Variants in IMMT observed in about 807,000 individuals in gnomAD.
IMMT encodes inner membrane mitochondrial protein, also known as MICOS complex subunit MIC60.
A neutral mutation model predicts 92.7 loss-of-function variants in IMMT; 40 were observed. That is an observed-to-expected ratio of 0.43 (90% CI 0.34 to 0.56). IMMT has a LOEUF of 0.56. Among genes scored for constraint, IMMT ranks in the 20% least tolerant of loss-of-function variants. The pLI is 0.03. For synonymous variants in IMMT, 322 were observed against 336.1 expected, an observed-to-expected ratio of 0.96 and a Z score of 0.46; for missense variants, 831 against 912.1, an observed-to-expected ratio of 0.91 and a Z score of 1.14.
intron 9 of IMMT, 98 bp from the exon 10 acceptor site, chr2:86,158,819 T>A: frequency 9.6e-7 from 1 of 1,036,382 alleles, no homozygotes; most frequent in Non-Finnish European, 1.4e-6. Context: ...TTACATTTTG[T>A]TGGAAATGTG....
At chr2:86,145,494 C>CAAAAAAAA (rs10554362) in intron 14 of IMMT, among the ~76,000 whole-genome samples, 4 of 76,304 alleles carry the variant, frequency 5.2e-5, no homozygotes, top group Non-Finnish European at 7.2e-5. Context: ...GACTCTGTCT[C>CAAAAAAAA]AAAAAAAAAA....
intron 3 of IMMT, among the ~76,000 whole-genome samples, chr2:86,178,645 T>C (rs1677614661): frequency 6.6e-6 from 1 of 151,394 alleles, no homozygotes; most frequent in Non-Finnish European, 1.5e-5. Context: ...AAAAGAAAAC[T>C]AACATACATA....
chr2:86,171,552 C>G (rs944094708), intron 4 of IMMT: 1 of 524,352 alleles, frequency 1.9e-6, no homozygotes, highest in East Asian at 3.2e-5. Context: ...TGGTTGGGAA[C>G]GAACAAAAGA....
chr2:86,159,092 ATT>A (rs764807615), intron 9 of IMMT, among the ~76,000 whole-genome samples: 1 of 145,964 alleles, frequency 6.9e-6, no homozygotes, highest in Non-Finnish European at 1.5e-5. Flanking sequence ...AAAAAAAAAA[ATT>A]TTTTTTTTTT....
chr2:86,147,113 A>AAT (rs1183397540), intron 13 of IMMT, among the ~76,000 whole-genome samples: 22 of 152,352 alleles, frequency 1.4e-4, no homozygotes, highest in Non-Finnish European at 2.9e-4. Flanking sequence ...CCTAAACATA[A>AAT]TAATTAGATT....
At position 86,191,178 on chromosome 2, in the gene IMMT, G is replaced by GA. The variant is rs571534914; in HGVS notation, c.45+4159dup. 2.0e-3 allele frequency among the ~76,000 whole-genome samples: 299 copies of GA among 149,474 alleles called. 2 individuals are homozygous for GA. The highest frequency in any genetic ancestry group is 6.7e-3 in the African/African-American group (273 of 40,838). ...CTGGGTAATATAGCCTGTCTCTACA[G>GA]AAAAAAAAATACAAAAGTTAGCTGG... On this transcript the variant is annotated intron_variant, in intron 1 of 14. Transcript: ENST00000410111.
At chr2:86,171,888 GACCA>G (rs1677115078) in intron 4 of IMMT, among the ~76,000 whole-genome samples, 1 of 149,714 alleles carries the variant, frequency 6.7e-6, no homozygotes, top group African/African-American at 2.5e-5. Flanking sequence ...GGGAGGCCAA[GACCA>G]ACCTGGCCAA....
chr2:86,169,124 T>C (rs1676920503), intron 6 of IMMT, among the ~76,000 whole-genome samples: 1 of 152,238 alleles, frequency 6.6e-6, no homozygotes, highest in African/African-American at 2.4e-5. Flanking sequence ...GATAAAATTC[T>C]GAAAATTTTC....
intron 7 of IMMT, among the ~76,000 whole-genome samples, chr2:86,162,752 G>A (rs1360492254): frequency 6.6e-6 from 1 of 152,140 alleles, no homozygotes; most frequent in Non-Finnish European, 1.5e-5. Context: ...GCTGAAGCAG[G>A]AGAATTGCTT....
chr2:86,154,318 G>C (rs113211702), intron 10 of IMMT, among the ~76,000 whole-genome samples: 1 of 151,452 alleles, frequency 6.6e-6, no homozygotes, highest in Non-Finnish European at 1.5e-5. Flanking sequence ...GACTACATGC[G>C]CCTCCCACCA....
rs932895081 is a variant in IMMT at position 86,144,583 on chromosome 2, G to T, written c.1962C>A (p.Ser654Arg). ...RVAMIDETRN[S>R]LYQYFLSYLQ... Reference sequence around the variant, plus strand: ...GGTAGGAGAGGAAGTACTGGTACAAGCTATTTCTGGTTTCATCAATCATTG... The same window carrying T: ...GGTAGGAGAGGAAGTACTGGTACAATCTATTTCTGGTTTCATCAATCATTG... The change falls in exon 15 of 15, where the codon AGC (serine) becomes AGA (arginine). Residue 654 changes from serine to arginine, a missense_variant. Transcript: ENST00000410111. The T allele has an allele frequency of 3.7e-6, 6 of 1,613,880 alleles. No homozygotes were observed. The highest frequency in any genetic ancestry group is 5.1e-6 in the Non-Finnish European group (6 of 1,179,898).
intron 14 of IMMT, among the ~76,000 whole-genome samples, chr2:86,145,426 C>T (rs972007065): frequency 1.5e-5 from 2 of 137,426 alleles, no homozygotes; most frequent in Non-Finnish European, 3.0e-5. Flanking sequence ...ACCCAGGAGG[C>T]GGAGGCTGCA....
At chr2:86,183,966 A>G (rs1156829832) in intron 1 of IMMT, among the ~76,000 whole-genome samples, 2 of 152,198 alleles carry the variant, frequency 1.3e-5, no homozygotes, top group Non-Finnish European at 2.9e-5. Context: ...TACCTGAGTA[A>G]CACTGTATAC....
chr2:86,164,277 G>C (rs183761590), intron 7 of IMMT, among the ~76,000 whole-genome samples: 1 of 151,014 alleles, frequency 6.6e-6, no homozygotes, highest in African/African-American at 2.4e-5. Context: ...GGCTGGTCTC[G>C]AACTCCTGAC....
At chr2:86,153,513 A>G (rs1446302793) in intron 11 of IMMT, 47 bp downstream of exon 11, 2 of 1,193,224 alleles carry the variant, frequency 1.7e-6, no homozygotes. Flanking sequence ...TAGTCTCTTA[A>G]TACCCAAAAC....
intron 12 of IMMT, among the ~76,000 whole-genome samples, chr2:86,148,505 G>A (rs1038586898): frequency 3.3e-5 from 5 of 152,224 alleles, no homozygotes; most frequent in South Asian, 2.1e-4. Flanking sequence ...CCAGCTACTC[G>A]GGAGGCTGAG....
chr2:86,157,429 C>T (rs1328333995), intron 10 of IMMT, among the ~76,000 whole-genome samples: 1 of 152,170 alleles, frequency 6.6e-6, no homozygotes, highest in African/African-American at 2.4e-5. Flanking sequence ...GCAACCCTGA[C>T]ACCTTCAGCC....
Position 86,171,293 on chromosome 2 carries a change from G to A in IMMT, c.474C>T (p.Val158=). 2 of 1,610,520 alleles carry A rather than the reference G, an allele frequency of 1.2e-6. No individual in the cohort carries two copies. Among genetic ancestry groups the A allele is most frequent in the Non-Finnish European group, 1.7e-6 (2 of 1,178,042 alleles). ...IISAAGDTLS[V]PAPAVQPEES... ...CCTCAGGCTGAACTGCAGGGGCTGGGACCGACAGGGTATCACCTGCTGCAG... is the reference window on the plus strand; with the variant it reads ...CCTCAGGCTGAACTGCAGGGGCTGGAACCGACAGGGTATCACCTGCTGCAG... Residue 158 remains valine, a synonymous_variant, in exon 5 of 15, where the codon GTC becomes GTT. Transcript: ENST00000410111.
At chr2:86,179,390 A>G in intron 3 of IMMT, 43 bp downstream of exon 3, 12 of 1,435,750 alleles carry the variant, frequency 8.4e-6, no homozygotes, top group Non-Finnish European at 1.0e-5. Flanking sequence ...TTGCTTTTAA[A>G]GTATTTCATT....
Sources: allele counts gnomAD v4.1 joint callset (sites outside exome capture counted in the v4.1 genomes callset), GRCh38; gene constraint gnomAD v4.1.1; transcripts MANE v1.5; gene names NCBI Gene and HGNC (gene_info 2026-07-23, HGNC 2026-07-21).